RIOX2: variants seen among roughly 807,000 people sequenced by gnomAD.
RIOX2 encodes ribosomal oxygenase 2, also known as 60S ribosomal protein L27a histidine hydroxylase.
A neutral mutation model predicts 51.2 loss-of-function variants in RIOX2; 43 were observed. The observed-to-expected ratio is 0.84, with a 90% confidence interval of 0.66 to 1.08. The LOEUF (loss-of-function observed/expected upper bound fraction) is 1.08. Ranked by LOEUF, RIOX2 falls within the 50% of genes least tolerant of loss-of-function variation. The pLI, the probability that RIOX2 is intolerant of heterozygous loss-of-function variation, is 0.00. For missense variants in RIOX2, 566 were observed against 561.7 expected, an observed-to-expected ratio of 1.01 and a Z score of -0.08; for synonymous variants, 226 against 218.5, an observed-to-expected ratio of 1.03 and a Z score of -0.30.
chr3:97,947,102 G>C (rs1008223079), intron 8 of RIOX2, among the ~76,000 whole-genome samples: 1 of 152,056 alleles, frequency 6.6e-6, no homozygotes, highest in African/African-American at 2.4e-5. Context: ...AGTAAGGCCC[G>C]AAGTAGGATG....
chr3:97,947,469 G>A lies in RIOX2; in HGVS notation c.1061-20C>T. ...TTCCACCTAGAAAACCCCAAAGAGA[G>A]AAAGCCGACCTTCAAAAAAGGAAAC... On this transcript the variant is annotated intron_variant, in intron 7 of 9. Coordinates refer to ENST00000394198, the MANE Select transcript of RIOX2 (RefSeq NM_153182.4). 1 of 1,601,220 alleles carries A rather than the reference G, an allele frequency of 6.2e-7. No homozygotes were observed. Among genetic ancestry groups the A allele is most frequent in the Non-Finnish European group, 8.6e-7 (1 of 1,169,584 alleles).
intron 7 of RIOX2, among the ~76,000 whole-genome samples, chr3:97,948,649 T>C (rs2040414828): frequency 6.6e-6 from 1 of 152,170 alleles, no homozygotes; most frequent in African/African-American, 2.4e-5. Flanking sequence ...GCCTACCAGA[T>C]AACATTTAGG....
intron 4 of RIOX2, 56 bp from the exon 5 acceptor site, chr3:97,954,551 T>TATTC: frequency 7.0e-7 from 1 of 1,420,358 alleles, no homozygotes; most frequent in Non-Finnish European, 9.8e-7. Flanking sequence ...TTCTCAGTCC[T>TATTC]CTTCATTTCA....
chr3:97,959,316 T>TC, intron 3 of RIOX2, 137 bp from the exon 4 acceptor site: 1 of 825,598 alleles, frequency 1.2e-6, no homozygotes, highest in Non-Finnish European at 1.7e-6. Context: ...GTTTTTTTTT[T>TC]TTTTTTTTTT....
intron 3 of RIOX2, among the ~76,000 whole-genome samples, chr3:97,960,064 A>G (rs1705617811): frequency 6.6e-6 from 1 of 152,248 alleles, no homozygotes; most frequent in South Asian, 2.1e-4. Flanking sequence ...GTATCACAGT[A>G]AAAAATGATC....
At chr3:97,966,483 T>C (rs568154168) in intron 2 of RIOX2, among the ~76,000 whole-genome samples, 1 of 152,336 alleles carries the variant, frequency 6.6e-6, no homozygotes, top group South Asian at 2.1e-4. Flanking sequence ...TTTATAAATG[T>C]AGAAACCAAG....
At chr3:97,945,525 T>A in intron 9 of RIOX2, 183 bp from the exon 10 acceptor site, 1 of 615,440 alleles carries the variant, frequency 1.6e-6, no homozygotes, top group East Asian at 2.8e-5. Flanking sequence ...TCCTAATTTA[T>A]GTAGTAAGTG....
At position 97,961,659 on chromosome 3, in the gene RIOX2, A is replaced by G; in HGVS notation, c.482T>C (p.Leu161Ser). The G allele has an allele frequency of 6.2e-7, 1 of 1,612,608 alleles. No individual in the cohort carries two copies. Among genetic ancestry groups the G allele is most frequent in the Non-Finnish European group, 8.5e-7 (1 of 1,179,598 alleles). The change falls in exon 3 of 10, where the codon TTG becomes TCG. Residue 161 changes from leucine (L) to serine (S), a missense_variant. Leu to Ser is a moderately radical substitution (Grantham distance 145). Transcript: ENST00000394198. Reference sequence around the variant, plus strand: ...AGTTATGTACACATTCGAGCCAACCAAGGAGCCAAAGTAACATTCCAGCTT... The same window carrying G: ...AGTTATGTACACATTCGAGCCAACCGAGGAGCCAAAGTAACATTCCAGCTT... ...QEKLECYFGS[L>S]VGSNVYITPA...
chr3:97,965,298 G>A (rs1163194419), intron 2 of RIOX2, among the ~76,000 whole-genome samples: 1 of 151,352 alleles, frequency 6.6e-6, no homozygotes, highest in African/African-American at 2.4e-5. Context: ...GATCACCTGA[G>A]GGCAGAAGTT....
chr3:97,964,883 T>C (rs1705823698), intron 2 of RIOX2, among the ~76,000 whole-genome samples: 3 of 152,088 alleles, frequency 2.0e-5, no homozygotes, highest in African/African-American at 4.8e-5. Context: ...TTTTAATATA[T>C]GGATTACTGA....
Position 97,942,026 on chromosome 3 carries a change from A to G in RIOX2, c.*3158T>C. On this transcript the variant is annotated 3_prime_UTR_variant, in exon 10 of 10. Coordinates refer to ENST00000394198, the MANE Select transcript of RIOX2 (RefSeq NM_153182.4). ...CCAATTCACCAAATCTTTATTGAAC[A>G]TCTGTTGTCAGATGTAGACATCCTA... The G allele has an allele frequency of 3.5e-6, 1 of 282,078 alleles. No homozygotes were observed. The highest frequency in any genetic ancestry group is 6.5e-6 in the Non-Finnish European group (1 of 153,700). The allele number at this position is 282,078 out of a possible 1,614,324, so 17.5% of individuals were successfully genotyped here. A position where few individuals can be genotyped will look rare whatever the true frequency, so the allele number is the denominator to read the frequency against.
At chr3:97,955,552 G>A (rs1705417517) in intron 4 of RIOX2, among the ~76,000 whole-genome samples, 1 of 151,900 alleles carries the variant, frequency 6.6e-6, no homozygotes, top group African/African-American at 2.4e-5. Flanking sequence ...CAAAGCAAGA[G>A]GAATATATCA....
Position 97,947,457 on chromosome 3 carries a change from A to G in RIOX2, c.1061-8T>C. The stretch of plus-strand genomic sequence containing the variant: ...GCCTCGGTAACTTTCCACCTAGAAA[A>G]CCCCAAAGAGAGAAAGCCGACCTTC... On this transcript the variant is annotated splice_region_variant and splice_polypyrimidine_tract_variant and intron_variant, in intron 7 of 9. Transcript: ENST00000394198. The G allele has an allele frequency of 6.2e-7, 1 of 1,611,956 alleles. No individual in the cohort carries two copies. Among genetic ancestry groups the G allele is most frequent in the East Asian group, 2.2e-5 (1 of 44,850 alleles).
At chr3:97,946,606 A>ATATATATCTG (rs955397213) in intron 8 of RIOX2, among the ~76,000 whole-genome samples, 1 of 145,998 alleles carries the variant, frequency 6.8e-6, no homozygotes, top group Non-Finnish European at 1.5e-5. Flanking sequence ...ATATATATAT[A>ATATATATCTG]TCTATTCATG....
At chr3:97,969,364 C>A (rs182390288) in intron 1 of RIOX2, among the ~76,000 whole-genome samples, 17 of 152,310 alleles carry the variant, frequency 1.1e-4, no homozygotes, top group Admixed American at 5.9e-4. Context: ...ATTGCTAGTA[C>A]ATGGAACTCT....
chr3:97,967,694 G>A, intron 1 of RIOX2, 62 bp from the exon 2 acceptor site: 2 of 1,182,174 alleles, frequency 1.7e-6, no homozygotes, highest in South Asian at 3.2e-5. Flanking sequence ...TGGTGTTAGT[G>A]GATCGCGCGC....
Position 97,970,034 on chromosome 3 carries a change from C to G in RIOX2, c.-40+2347G>C, listed in dbSNP as rs139202208. Reference sequence around the variant, plus strand: ...TTATATTCAGCCACACATCTCTTATCTCTCACAATTGGTCAGTTTAAAATT... The same window carrying G: ...TTATATTCAGCCACACATCTCTTATGTCTCACAATTGGTCAGTTTAAAATT... On this transcript the variant is annotated intron_variant, in intron 1 of 9. Coordinates refer to ENST00000394198, the MANE Select transcript of RIOX2 (RefSeq NM_153182.4). Among the ~76,000 whole-genome samples, 16 of 152,326 alleles carry G rather than the reference C, an allele frequency of 1.1e-4. No individual in the cohort carries two copies. In the East Asian group the frequency reaches 2.9e-3, roughly 28 times the overall value.
rs4061087 is a variant in RIOX2 at position 97,946,586 on chromosome 3, GTA to G, written c.1150-701_1150-700del. On this transcript the variant is annotated intron_variant, in intron 8 of 9. Transcript: ENST00000394198. Reference sequence around the variant, plus strand: ...TGTAGGAATGTGTACTTTTGAGGATGTATATATATATATATATATATCTATTC... The same window carrying G: ...TGTAGGAATGTGTACTTTTGAGGATGTATATATATATATATATATCTATTC... Among the ~76,000 whole-genome samples the G allele has an allele frequency of 1.4e-4, 18 of 127,634 alleles. 1 individual carries two copies. Among genetic ancestry groups the G allele is most frequent in the African/African-American group, 3.0e-4 (9 of 30,026 alleles). The allele number at this position is 127,634 out of a possible 152,430, so 83.7% of individuals were successfully genotyped here.
chr3:97,970,891 A>G (rs1162532386), intron 1 of RIOX2, among the ~76,000 whole-genome samples: 2 of 152,246 alleles, frequency 1.3e-5, no homozygotes, highest in Admixed American at 1.3e-4. Context: ...ATATTTGAGG[A>G]CATGAAGACG....
Sources: allele counts gnomAD v4.1 joint callset (sites outside exome capture counted in the v4.1 genomes callset), GRCh38; gene constraint gnomAD v4.1.1; transcripts MANE v1.5; gene names NCBI Gene and HGNC (gene_info 2026-07-23, HGNC 2026-07-21).